The following ABI3BP variants were observed in gnomAD, a reference collection of about 807,000 sequenced individuals.
The protein encoded by ABI3BP is ABI family member 3 binding protein.
Under a neutral mutation model 268.6 loss-of-function variants are expected in ABI3BP, and 216 were observed. The observed-to-expected ratio is 0.80, with a 90% CI of 0.72 to 0.90. The LOEUF (loss-of-function observed/expected upper bound fraction) is 0.90, where lower values mean the gene tolerates loss of function less well. Ranked by LOEUF, ABI3BP falls within the 40% of genes least tolerant of loss-of-function variation. ABI3BP has a pLI of 0.00. For synonymous variants in ABI3BP, 730 were observed against 730.0 expected (o/e 1.00, Z 0.00); for missense variants, 2,090 against 2,182.4 (o/e 0.96, Z 0.84).
intron 31 of ABI3BP, among the ~76,000 whole-genome samples, chr3:100,831,405 C>G (rs2098491198): frequency 6.6e-6 from 1 of 152,040 alleles, no homozygotes; most frequent in Admixed American, 6.6e-5. Context: ...CAAAAGGAAG[C>G]TGAGACTACA....
intron 1 of ABI3BP, among the ~76,000 whole-genome samples, chr3:100,973,662 C>G (rs150756294): frequency 6.6e-6 from 1 of 152,276 alleles, no homozygotes; most frequent in East Asian, 1.9e-4. Flanking sequence ...ATTTAGCTAG[C>G]ATTTTCTTCC....
intron 65 of ABI3BP, 28 bp from the exon 66 acceptor site, chr3:100,752,976 G>T: frequency 6.3e-7 from 1 of 1,587,756 alleles, no homozygotes; most frequent in South Asian, 1.1e-5. Context: ...TTTGAGTTTA[G>T]TATCTGACTC....
At chr3:100,783,814 A>G (rs1341045079) in intron 57 of ABI3BP, among the ~76,000 whole-genome samples, 1 of 152,228 alleles carries the variant, frequency 6.6e-6, no homozygotes, top group Non-Finnish European at 1.5e-5. Flanking sequence ...AACTTTATTT[A>G]CAGAAACAGG....
intron 51 of ABI3BP, among the ~76,000 whole-genome samples, chr3:100,797,585 T>C (rs535546532): frequency 3.3e-5 from 5 of 151,362 alleles, no homozygotes; most frequent in Non-Finnish European, 7.4e-5. Flanking sequence ...TTTTTTATTA[T>C]GAGGTGGCCA....
At chr3:100,955,535 C>T (rs1473484982) in intron 1 of ABI3BP, among the ~76,000 whole-genome samples, 1 of 152,172 alleles carries the variant, frequency 6.6e-6, no homozygotes, top group African/African-American at 2.4e-5. Context: ...AGACTATTCT[C>T]TGCCTGTATC....
chr3:100,955,049 C>T (rs1228919242), intron 1 of ABI3BP, among the ~76,000 whole-genome samples: 1 of 126,604 alleles, frequency 7.9e-6, no homozygotes, highest in Non-Finnish European at 1.6e-5. Context: ...GAAAGTAAGA[C>T]ATGTCTCTTC....
intron 64 of ABI3BP, 65 bp downstream of exon 64, chr3:100,754,547 C>T (rs747137699): frequency 2.4e-4 from 349 of 1,457,444 alleles, no homozygotes; most frequent in Non-Finnish European, 3.1e-4. Context: ...AAACTTCCTA[C>T]GCAAAACATT....
At chr3:100,950,220 T>G (rs1480434001) in intron 1 of ABI3BP, among the ~76,000 whole-genome samples, 1 of 152,202 alleles carries the variant, frequency 6.6e-6, no homozygotes, top group Non-Finnish European at 1.5e-5. Flanking sequence ...GCACGGTGCC[T>G]GGCAGAGAAA....
rs1481713770 is a variant in ABI3BP, at chr3:100,780,213, T to C, written c.4163-4A>G. The C allele has an allele frequency of 3.1e-6, 5 of 1,611,272 alleles. No individual in the cohort carries two copies. The South Asian group carries it at 4.4e-5, about 14-fold the overall frequency. ...GGCCTGGGTGCTTGCTTGACCCCTA[T>C]GAGCAGAGATAATGAAAGGGAATAA... On this transcript the variant is annotated splice_region_variant and splice_polypyrimidine_tract_variant and intron_variant, in intron 57 of 67. Transcript: ENST00000471714.
intron 67 of ABI3BP, among the ~76,000 whole-genome samples, 199 bp from the exon 68 acceptor site, chr3:100,750,809 T>C (rs564187891): frequency 6.6e-6 from 1 of 152,232 alleles, no homozygotes; most frequent in Non-Finnish European, 1.5e-5. Flanking sequence ...CCTGAAAAAT[T>C]GTTGACATTT....
In ABI3BP at chr3:100,839,581, C is replaced by A. The variant is rs777699354; in HGVS notation, c.1933G>T (p.Val645Leu). The A allele has an allele frequency of 3.9e-6, 6 of 1,535,772 alleles. 1 individual carries two copies. The South Asian group carries it at 7.1e-5, about 18-fold the overall frequency. Residue 645 changes from valine (V) to leucine (L), a missense_variant, in exon 24 of 68, where the codon GTG (valine) becomes TTG (leucine). Val to Leu is a conservative substitution (Grantham distance 32, BLOSUM62 1). Transcript: ENST00000471714. ...GGAGTAGAATTACCAGTTGTGGGCA[C>A]CAAGGGCTCCGGTTGTATCGTGGCA... Reference protein sequence around the residue: ...EPATIQPEPLVPTTASKPSER... With the variant: ...EPATIQPEPLLPTTASKPSER...
intron 55 of ABI3BP, among the ~76,000 whole-genome samples, chr3:100,789,994 G>A (rs764178209): frequency 1.3e-5 from 2 of 151,952 alleles, no homozygotes; most frequent in African/African-American, 4.8e-5. Context: ...GGAGTATATG[G>A]TCTCTATCAA....
At chr3:100,850,608 A>ATT (rs367961075) in intron 16 of ABI3BP, 52 bp downstream of exon 16, 89 of 1,083,934 alleles carry the variant, frequency 8.2e-5, no homozygotes, top group South Asian at 3.6e-4. Flanking sequence ...CATTCACATG[A>ATT]TTTTTTTTTT....
At chr3:100,750,720 C>T (rs1198786288) in intron 67 of ABI3BP, 110 bp from the exon 68 acceptor site, 5 of 697,498 alleles carry the variant, frequency 7.2e-6, no homozygotes, top group African/African-American at 3.6e-5. Flanking sequence ...CTTAGTGAAG[C>T]GAGGTAATTT....
chr3:100,798,985 A>T (rs1578125785), intron 51 of ABI3BP, among the ~76,000 whole-genome samples: 2 of 148,612 alleles, frequency 1.3e-5, no homozygotes, highest in African/African-American at 2.5e-5. Context: ...CTCTTGGGCC[A>T]CCCTCCCTTC....
intron 1 of ABI3BP, among the ~76,000 whole-genome samples, chr3:100,962,116 T>C (rs1422695047): frequency 1.3e-5 from 2 of 152,160 alleles, no homozygotes; most frequent in African/African-American, 4.8e-5. Context: ...CAAATCATTC[T>C]CATCTTCTCC....
chr3:100,839,819 G>A (rs1406826406), intron 23 of ABI3BP, among the ~76,000 whole-genome samples: 2 of 152,006 alleles, frequency 1.3e-5, no homozygotes, highest in Non-Finnish European at 1.5e-5. Context: ...AGATTTCAAG[G>A]TGCTTTACTT....
chr3:100,791,061 A>G (rs1341193822), intron 55 of ABI3BP, among the ~76,000 whole-genome samples: 1 of 151,892 alleles, frequency 6.6e-6, no homozygotes, highest in East Asian at 1.9e-4. Flanking sequence ...ATCACCAAAC[A>G]ATATATGGCC....
chr3:100,872,101 C>T lies in ABI3BP; in HGVS notation c.910+2740G>A, dbSNP rs182419831. 5.2e-4 allele frequency among the ~76,000 whole-genome samples: 79 copies of T among 152,306 alleles called. 2 individuals carry two copies. The highest frequency in any genetic ancestry group is 7.8e-4 in the Admixed American group (12 of 15,290). On this transcript the variant is annotated intron_variant, in intron 9 of 67. Coordinates refer to ENST00000471714, the MANE Select transcript of ABI3BP (RefSeq NM_001375547.2). ...TCAAACGATTCCCTGGCTTCAGCCTCCCAAAGTGCTGGGGTTACAGGCATG... is the reference window on the plus strand; with the variant it reads ...TCAAACGATTCCCTGGCTTCAGCCTTCCAAAGTGCTGGGGTTACAGGCATG...
Sources: gnomAD v4.1 joint callset for allele counts (sites outside exome capture counted in the v4.1 genomes callset) on GRCh38, gnomAD v4.1.1 for gene constraint, MANE v1.5 for transcripts, NCBI Gene and HGNC (gene_info 2026-07-23, HGNC 2026-07-21) for gene names.